The following SLC2A8 variants were observed in gnomAD, a reference collection of about 807,000 sequenced individuals.
The protein encoded by SLC2A8 is solute carrier family 2 member 8, also known as solute carrier family 2, facilitated glucose transporter member 8.
A neutral mutation model predicts 49.2 loss-of-function variants in SLC2A8; 53 were observed. The ratio of observed to expected loss-of-function variants is 1.08; its 90% CI spans 0.86 to 1.35. The LOEUF is 1.35. Among genes scored for constraint, SLC2A8 ranks in the 40% most tolerant of loss-of-function variants. SLC2A8 has a pLI of 0.00. For missense variants in SLC2A8, 688 were observed against 671.7 expected, an observed-to-expected ratio of 1.02 and a Z score of -0.27; for synonymous variants, 299 against 297.0, an observed-to-expected ratio of 1.01 and a Z score of -0.07.
chr9:127,403,927 C>T (rs1833391319), intron 6 of SLC2A8, 32 bp from the exon 7 acceptor site: 2 of 1,606,630 alleles, frequency 1.2e-6, no homozygotes, highest in East Asian at 4.5e-5. Context: ...TCAGCTGGCC[C>T]ACCTGACCTG....
chr9:127,407,543 G>T lies in SLC2A8; in HGVS notation c.*294G>T. 1 of 506,792 alleles carries T rather than the reference G, an allele frequency of 2.0e-6. No homozygotes were observed. Among genetic ancestry groups the T allele is most frequent in the Non-Finnish European group, 4.0e-6 (1 of 251,650 alleles). The allele number at this position is 506,792 out of a possible 1,614,324, so 31.4% of individuals were successfully genotyped here. A position where few individuals can be genotyped will look rare whatever the true frequency, so the allele number is the denominator to read the frequency against. ...AGCGGAAGAGGAGGTGGGCCTCTAG[G>T]ATCTTTGTCTTCTGGCTGGAGGTGC... On this transcript the variant is annotated 3_prime_UTR_variant, in exon 10 of 10. Transcript: ENST00000373371.
chr9:127,402,525 T>C, intron 4 of SLC2A8, 32 bp from the exon 5 acceptor site: 1 of 1,485,990 alleles, frequency 6.7e-7, no homozygotes, highest in Non-Finnish European at 8.9e-7. Flanking sequence ...ACCCTGGCTC[T>C]GACGCCAGCC....
chr9:127,404,196 T>C (rs1466276948), intron 7 of SLC2A8, 129 bp downstream of exon 7: 2 of 655,736 alleles, frequency 3.1e-6, no homozygotes, highest in Non-Finnish European at 5.2e-6. Flanking sequence ...GGCCATGATT[T>C]GACAGCAGCT....
In SLC2A8 at chr9:127,398,115, A is replaced by T. The variant is rs1443842118; in HGVS notation, c.426+4A>T. 4 of 1,572,670 alleles carry T rather than the reference A, an allele frequency of 2.5e-6. No individual in the cohort carries two copies. The highest frequency in any genetic ancestry group is 3.4e-6 in the Non-Finnish European group (4 of 1,162,264). On this transcript the variant is annotated splice_donor_region_variant and intron_variant, in intron 3 of 9. Transcript: ENST00000373371. ...TGTTGCCTCCCTAGTGGCCCCGGTG[A>T]GTGTCCCGTCTCTCGAGTGTCCTGT...
In SLC2A8 at chr9:127,404,073, G is replaced by T. The variant is rs375746918; in HGVS notation, c.976+6G>T. 288 of 1,582,498 alleles carry T rather than the reference G, an allele frequency of 1.8e-4. No homozygotes were observed. The highest frequency in any genetic ancestry group is 2.3e-4 in the Non-Finnish European group (271 of 1,158,392). On this transcript the variant is annotated splice_donor_region_variant and intron_variant, in intron 7 of 9. Transcript: ENST00000373371. ...GCTGCTCCTGGTCTTGTCAGGTGAG[G>T]GTTCACCCCTGTGCAGCCTCCCCGC...
rs190329020 is a variant in SLC2A8, at chr9:127,399,624, C to T, written c.427-283C>T. On this transcript the variant is annotated intron_variant, in intron 3 of 9. Coordinates refer to ENST00000373371, the MANE Select transcript of SLC2A8 (RefSeq NM_014580.5). This position sits in a 1 kb window ranked among gnomAD's most constrained non-coding sequence, Gnocchi z 4.2. ...ATTTCGGAGTTTCGCTCTTGTTGCC[C>T]AGGCTGGAGTGCAATGGTGGGATCT... Among the ~76,000 whole-genome samples the T allele has an allele frequency of 2.8e-3, 420 of 150,760 alleles. 4 individuals carry two copies. The highest frequency in any genetic ancestry group is 9.9e-3 in the African/African-American group (404 of 40,930).
Position 127,407,662 on chromosome 9 carries a change from A to C in SLC2A8, c.*413A>C. On this transcript the variant is annotated 3_prime_UTR_variant, in exon 10 of 10. Transcript: ENST00000373371. Reference sequence around the variant, plus strand: ...GTTTGCCAAATAAAGACTGACACAGAAAATCAGGTCAGTGTCTCTGGGCTT... The same window carrying C: ...GTTTGCCAAATAAAGACTGACACAGCAAATCAGGTCAGTGTCTCTGGGCTT... 2.9e-6 allele frequency: 1 copy of C among 346,492 alleles called. No homozygotes were observed. Among genetic ancestry groups the C allele is most frequent in the Non-Finnish European group, 6.0e-6 (1 of 167,440 alleles). 21.5% of individuals were successfully genotyped at this position (346,492 alleles called of 1,614,324 possible).
rs67561937 is a variant in SLC2A8 at position 127,407,878 on chromosome 9, AC to A, written c.*630del. On this transcript the variant is annotated 3_prime_UTR_variant, in exon 10 of 10. Transcript: ENST00000373371. ...TTTAAAAAATAAACAGCAAAAAAAA[AC>A]AAAACAAAACAAAAAAAAACACCTT... The A allele has an allele frequency of 0.079, 5,679 of 72,138 alleles. 317 individuals carry two copies. Among genetic ancestry groups the A allele is most frequent in the African/African-American group, 0.21 (5,034 of 24,556 alleles). The allele number at this position is 72,138 out of a possible 1,614,324, so 4.5% of individuals were successfully genotyped here. A position where few individuals can be genotyped will look rare whatever the true frequency, so the allele number is the denominator to read the frequency against.
In SLC2A8 at chr9:127,398,116, G is replaced by C; in HGVS notation, c.426+5G>C. On this transcript the variant is annotated splice_donor_5th_base_variant and intron_variant, in intron 3 of 9. Transcript: ENST00000373371. ...GTTGCCTCCCTAGTGGCCCCGGTGA[G>C]TGTCCCGTCTCTCGAGTGTCCTGTC... is the stretch of plus-strand genomic sequence containing the variant. 1 of 1,572,434 alleles carries C rather than the reference G, an allele frequency of 6.4e-7. No individual in the cohort carries two copies. Among genetic ancestry groups the C allele is most frequent in the Non-Finnish European group, 8.6e-7 (1 of 1,162,156 alleles).
intron 2 of SLC2A8, 46 bp from the exon 3 acceptor site, chr9:127,397,859 G>A: frequency 2.8e-6 from 4 of 1,431,970 alleles, no homozygotes; most frequent in African/African-American, 1.5e-5. Flanking sequence ...GGGGGAGGAT[G>A]GGCTGCGGCT....
At chr9:127,405,589 C>T (rs376617980) in intron 9 of SLC2A8, 24 bp downstream of exon 9, 27 of 1,612,044 alleles carry the variant, frequency 1.7e-5, no homozygotes, top group Admixed American at 3.3e-5. Context: ...CCACCAGCAC[C>T]GCGTTCGTGC....
intron 7 of SLC2A8, chr9:127,404,544 C>T (rs1415320074): frequency 1.4e-5 from 6 of 444,262 alleles, no homozygotes; most frequent in Non-Finnish European, 2.0e-5. Flanking sequence ...CGAAGACGAC[C>T]GTCGGGGCTG....
At chr9:127,398,184 A>G (rs1833120452) in intron 3 of SLC2A8, 73 bp downstream of exon 3, 3 of 1,476,278 alleles carry the variant, frequency 2.0e-6, no homozygotes, top group Non-Finnish European at 1.9e-6. Flanking sequence ...ACCGCTCCCC[A>G]GGCCTGGGGG....
At position 127,404,963 on chromosome 9, in the gene SLC2A8, C is replaced by G. The variant is rs376139497; in HGVS notation, c.1122C>G (p.Ala374=). ...CCAGCGTGGGGCTGGCCTGGCTGGC[C>G]GTGGGCAGCATGTGCCTCTTCATCG... ...VDASVGLAWL[A]VGSMCLFIAG... Residue 374 remains alanine (A), a synonymous_variant, in exon 8 of 10, where the codon GCC becomes GCG. Coordinates refer to ENST00000373371, the MANE Select transcript of SLC2A8 (RefSeq NM_014580.5). 1 of 1,608,502 alleles carries G rather than the reference C, an allele frequency of 6.2e-7. No individual in the cohort carries two copies. The highest frequency in any genetic ancestry group is 8.5e-7 in the Non-Finnish European group (1 of 1,178,374).
chr9:127,407,121 A>T lies in SLC2A8; in HGVS notation c.1306A>T (p.Arg436Trp). The change falls in exon 10 of 10, where the codon AGG becomes TGG. Residue 436 changes from arginine (R) to tryptophan (W), a missense_variant. Physicochemically the swap from Arg to Trp is moderately radical, Grantham distance 101. Coordinates refer to ENST00000373371, the MANE Select transcript of SLC2A8 (RefSeq NM_014580.5). ...KEFSSLMEVL[R>W]PYGAFWLASA... ...TTTCCTCTCTCTGCAGGAGGTCCTC[A>T]GGCCCTATGGAGCCTTCTGGCTTGC... The T allele has an allele frequency of 6.2e-7, 1 of 1,613,362 alleles. No homozygotes were observed. The highest frequency in any genetic ancestry group is 8.5e-7 in the Non-Finnish European group (1 of 1,179,962).
chr9:127,403,548 G>C, intron 5 of SLC2A8, 112 bp from the exon 6 acceptor site: 1 of 1,293,590 alleles, frequency 7.7e-7, no homozygotes, highest in Non-Finnish European at 1.1e-6. Context: ...GGGATGAGGA[G>C]CCAAGACGTG....
At chr9:127,404,624 C>T in intron 7 of SLC2A8, 194 bp from the exon 8 acceptor site, 1 of 609,614 alleles carries the variant, frequency 1.6e-6, no homozygotes, top group Non-Finnish European at 2.8e-6. Context: ...GCTCCGGGAA[C>T]TTTTTGCAGT....
chr9:127,397,685 G>A (rs866256471), intron 2 of SLC2A8, 147 bp downstream of exon 2: 26 of 1,200,926 alleles, frequency 2.2e-5, no homozygotes, highest in African/African-American at 3.3e-5. Context: ...CAGGCATTGG[G>A]CCTCTCTGCC....
At chr9:127,403,081 G>A (rs144350664) in intron 5 of SLC2A8, among the ~76,000 whole-genome samples, 1 of 152,344 alleles carries the variant, frequency 6.6e-6, no homozygotes, top group Non-Finnish European at 1.5e-5. Flanking sequence ...TGCAAGGCAG[G>A]GTAGAGGGCT....
Sources: allele counts gnomAD v4.1 joint callset (sites outside exome capture counted in the v4.1 genomes callset), GRCh38; gene constraint gnomAD v4.1.1; non-coding constraint Gnocchi (gnomAD v3.1); transcripts MANE v1.5; gene names NCBI Gene and HGNC (gene_info 2026-07-23, HGNC 2026-07-21).